RAB3IP: variants seen among roughly 807,000 people sequenced by gnomAD.
RAB3IP encodes rab-3A-interacting protein.
In RAB3IP, 36 loss-of-function variants were observed where a neutral mutation model predicts 59.1. That is an observed-to-expected ratio of 0.61 (90% CI 0.47 to 0.80). The LOEUF (loss-of-function observed/expected upper bound fraction) is 0.80, where lower values mean the gene tolerates loss of function less well. Ranked by LOEUF, RAB3IP falls within the 30% of genes least tolerant of loss-of-function variation. The pLI, the probability that RAB3IP is intolerant of heterozygous loss-of-function variation, is 0.00. For missense variants in RAB3IP, 511 were observed against 536.0 expected, an observed-to-expected ratio of 0.95 and a Z score of 0.46; for synonymous variants, 207 against 191.2, an observed-to-expected ratio of 1.08 and a Z score of -0.68.
At chr12:69,781,555 C>A (rs1182642227) in intron 3 of RAB3IP, among the ~76,000 whole-genome samples, 1 of 152,204 alleles carries the variant, frequency 6.6e-6, no homozygotes, top group Non-Finnish European at 1.5e-5. Context: ...AAAACCCTGG[C>A]AACCACTGAT....
rs181731875 is a variant in RAB3IP at position 69,767,682 on chromosome 12, C to T, written c.510+11019C>T. Among the ~76,000 whole-genome samples the T allele has an allele frequency of 1.3e-5, 2 of 151,866 alleles. 1 individual carries two copies. Among genetic ancestry groups the T allele is most frequent in the Non-Finnish European group, 2.9e-5 (2 of 67,906 alleles). ...CCTGGGCGTGGAGCAGAGAGGACCC[C>T]CCTATACCAAGGCCTCTGCACAGGA... On this transcript the variant is annotated intron_variant, in intron 3 of 10. Transcript: ENST00000247833.
chr12:69,753,596 G>A (rs376652380), intron 1 of RAB3IP, among the ~76,000 whole-genome samples: 2 of 151,988 alleles, frequency 1.3e-5, no homozygotes, highest in African/African-American at 2.4e-5. Context: ...TAATCCACCC[G>A]CCTCGGCCTC....
intron 4 of RAB3IP, among the ~76,000 whole-genome samples, chr12:69,789,634 GA>G (rs1247048273): frequency 1.3e-5 from 2 of 152,000 alleles, no homozygotes; most frequent in African/African-American, 2.4e-5. Flanking sequence ...GTACCACAAG[GA>G]AAAAACTATG....
At chr12:69,748,390 G>A (rs2136108241) in intron 1 of RAB3IP, among the ~76,000 whole-genome samples, 1 of 152,202 alleles carries the variant, frequency 6.6e-6, no homozygotes, top group Non-Finnish European at 1.5e-5. Flanking sequence ...GATCTTTCTA[G>A]GCATTTATTA....
intron 3 of RAB3IP, among the ~76,000 whole-genome samples, chr12:69,759,379 ACTT>A (rs1870821836): frequency 6.6e-6 from 1 of 152,098 alleles, no homozygotes; most frequent in Admixed American, 6.5e-5. Context: ...TCCTATGTCT[ACTT>A]CTTTCTACAC....
intron 4 of RAB3IP, among the ~76,000 whole-genome samples, chr12:69,789,074 A>G (rs975581765): frequency 4.6e-5 from 7 of 152,074 alleles, no homozygotes; most frequent in Non-Finnish European, 7.4e-5. Context: ...GGCCTACATT[A>G]AAAAAGAAGA....
upstream of RAB3IP, chr12:69,738,610 CGGGCCCG>C (rs1886897957): frequency 2.0e-5 from 3 of 151,974 alleles, no homozygotes. Flanking sequence ...AAACAGAGCG[CGGGCCCG>C]ACGAAACAGA....
intron 4 of RAB3IP, 118 bp from the exon 5 acceptor site, chr12:69,794,315 AATAC>A: frequency 1.4e-6 from 1 of 710,390 alleles, no homozygotes; most frequent in Admixed American, 2.6e-5. Context: ...GTTGACATTG[AATAC>A]TTAACTTCAG....
At chr12:69,808,889 G>A (rs11177872) in intron 8 of RAB3IP, among the ~76,000 whole-genome samples, 1,724 of 152,022 alleles carry the variant, frequency 0.011, 9 homozygotes, top group Middle Eastern at 0.041. Context: ...GGAGCATTTA[G>A]CCCATTTACA....
intron 1 of RAB3IP, among the ~76,000 whole-genome samples, chr12:69,750,373 G>A (rs979838584): frequency 1.3e-5 from 2 of 152,028 alleles, no homozygotes; most frequent in African/African-American, 4.8e-5. Context: ...TTTTTTAAAA[G>A]ATAAGGATTT....
chr12:69,796,385 T>TA (rs1469715856), intron 6 of RAB3IP: 3 of 301,522 alleles, frequency 9.9e-6, no homozygotes, highest in African/African-American at 6.4e-5. Context: ...TTGAGCTGTT[T>TA]AGAGTAAAAA....
intron 8 of RAB3IP, among the ~76,000 whole-genome samples, chr12:69,802,011 A>T (rs1878464676): frequency 6.7e-6 from 1 of 149,324 alleles, no homozygotes; most frequent in Admixed American, 6.6e-5. Flanking sequence ...CCAACCCAAT[A>T]CAGTAATATA....
chr12:69,747,879 T>TC (rs764022381), intron 1 of RAB3IP, among the ~76,000 whole-genome samples: 3 of 152,230 alleles, frequency 2.0e-5, no homozygotes, highest in Admixed American at 6.5e-5. Context: ...CAGAGCTTGA[T>TC]CAGGAGCCTT....
intron 8 of RAB3IP, among the ~76,000 whole-genome samples, chr12:69,808,122 T>G (rs909848391): frequency 6.6e-6 from 1 of 152,236 alleles, no homozygotes; most frequent in Non-Finnish European, 1.5e-5. Context: ...AAGAACATCT[T>G]TATTTCTGCC....
At chr12:69,789,406 A>G (rs542750614) in intron 4 of RAB3IP, among the ~76,000 whole-genome samples, 3 of 152,234 alleles carry the variant, frequency 2.0e-5, no homozygotes, top group East Asian at 3.9e-4. Flanking sequence ...ATAAATTCCT[A>G]GAAACTGACT....
chr12:69,783,708 T>C (rs12310098), intron 3 of RAB3IP, among the ~76,000 whole-genome samples: 32,318 of 152,210 alleles, frequency 0.21, 4,165 homozygotes, highest in Middle Eastern at 0.35. Flanking sequence ...AGTCCTGTGC[T>C]TGTGGAGTAT....
intron 4 of RAB3IP, among the ~76,000 whole-genome samples, chr12:69,785,394 GGA>G (rs1338420486): frequency 6.6e-6 from 1 of 152,112 alleles, no homozygotes; most frequent in Non-Finnish European, 1.5e-5. Flanking sequence ...ATACAGAGAG[GGA>G]GAGAGAGGGA....
chr12:69,739,739 TC>T lies in RAB3IP; in HGVS notation c.-26+711del, dbSNP rs1887094051. ...CGGGTGGGATTGCATGGCTCTGCCC[TC>T]CCAGCGTTGACAACTCGCCCCGACC... On this transcript the variant is annotated intron_variant, in intron 1 of 10. Transcript: ENST00000247833. The T allele has an allele frequency of 3.5e-6, 4 of 1,152,668 alleles. No individual in the cohort carries two copies. The African/African-American group carries it at 4.6e-5, about 13-fold the overall frequency. The allele number at this position is 1,152,668 out of a possible 1,614,324, so 71.4% of individuals were successfully genotyped here.
chr12:69,755,499 C>G lies in RAB3IP; in HGVS notation c.91C>G (p.Gln31Glu), dbSNP rs1247848337. The change falls in exon 2 of 11, where the codon CAA becomes GAA. Residue 31 changes from glutamine to glutamate, a missense_variant. Gln to Glu is a conservative substitution (Grantham distance 29). Coordinates refer to ENST00000247833, the MANE Select transcript of RAB3IP (RefSeq NM_022456.5). ...TCTTGGTGTGTATGAATCAGGAACT[C>G]AAGAGCAGACTACCTCACCAAGTGT... is the stretch of plus-strand genomic sequence containing the variant. ...DLLGVYESGT[Q>E]EQTTSPSVIY... The G allele has an allele frequency of 2.5e-6, 4 of 1,614,010 alleles. No individual in the cohort carries two copies.
Sources: gnomAD v4.1 joint callset for allele counts (sites outside exome capture counted in the v4.1 genomes callset) on GRCh38, gnomAD v4.1.1 for gene constraint, MANE v1.5 for transcripts, NCBI Gene and HGNC (gene_info 2026-07-23, HGNC 2026-07-21) for gene names.